MAP3K20: variants seen among roughly 807,000 people sequenced by gnomAD.
The protein encoded by MAP3K20 is HCCS-4.
Under a neutral mutation model 85.7 loss-of-function variants are expected in MAP3K20, and 40 were observed. That is an observed-to-expected ratio of 0.47 (90% CI 0.36 to 0.61). MAP3K20 has a LOEUF of 0.61. Among genes scored for constraint, MAP3K20 ranks in the 20% least tolerant of loss-of-function variants. MAP3K20 has a pLI of 0.00. For synonymous variants in MAP3K20, 325 were observed against 327.7 expected (o/e 0.99, Z 0.09); for missense variants, 817 against 961.7 (o/e 0.85, Z 1.99).
intron 2 of MAP3K20, among the ~76,000 whole-genome samples, chr2:173,139,761 T>C (rs1445667746): frequency 6.6e-6 from 1 of 152,192 alleles, no homozygotes; most frequent in African/African-American, 2.4e-5. Context: ...AAACGAAAAG[T>C]AGATTCCTAA....
chr2:173,128,990 C>G (rs1440920795), intron 2 of MAP3K20, among the ~76,000 whole-genome samples: 1 of 133,508 alleles, frequency 7.5e-6, no homozygotes, highest in Non-Finnish European at 1.5e-5. Context: ...ATGGCGCAAT[C>G]TCGGCTCACT....
chr2:173,101,341 A>T (rs1687633993), intron 2 of MAP3K20, among the ~76,000 whole-genome samples: 1 of 152,210 alleles, frequency 6.6e-6, no homozygotes, highest in African/African-American at 2.4e-5. Context: ...TTTGTTAGAT[A>T]ATATATTTAC....
chr2:173,098,447 G>T (rs540440439), intron 2 of MAP3K20, among the ~76,000 whole-genome samples: 4 of 152,266 alleles, frequency 2.6e-5, no homozygotes, highest in African/African-American at 9.6e-5. Context: ...TTTGTTTCAT[G>T]CCCAGCATTA....
intron 1 of MAP3K20, among the ~76,000 whole-genome samples, chr2:173,081,144 T>C (rs1180222928): frequency 6.6e-6 from 1 of 152,176 alleles, no homozygotes; most frequent in Non-Finnish European, 1.5e-5. Context: ...ACTGTTTTAC[T>C]TAAATTGAAC....
Position 173,263,753 on chromosome 2 carries a change from T to C in MAP3K20, c.1560T>C (p.Val520=), listed in dbSNP as rs1285988641. 1.3e-5 allele frequency: 21 copies of C among 1,608,734 alleles called. No individual in the cohort carries two copies. The highest frequency in any genetic ancestry group is 2.2e-5 in the East Asian group (1 of 44,722). ...VECTVTYESD[V]RTPKSTKHVH... ...TTTGTTTGTTTTACCAGAGTGATGTTAGAACTCCAAAAAGCACTAAACATG... is the reference window on the plus strand; with the variant it reads ...TTTGTTTGTTTTACCAGAGTGATGTCAGAACTCCAAAAAGCACTAAACATG... The change falls in exon 19 of 20, where the codon GTT becomes GTC. Residue 520 remains valine (V), a synonymous_variant. Transcript: ENST00000375213.
At chr2:173,093,426 A>G (rs1033910993) in intron 2 of MAP3K20, among the ~76,000 whole-genome samples, 1 of 152,244 alleles carries the variant, frequency 6.6e-6, no homozygotes, top group Non-Finnish European at 1.5e-5. Context: ...AGCAAAATGT[A>G]GAGAAAATAT....
intron 2 of MAP3K20, among the ~76,000 whole-genome samples, chr2:173,107,286 C>T (rs114223606): frequency 0.012 from 1,756 of 152,146 alleles, 21 homozygotes; most frequent in Middle Eastern, 0.024. Context: ...CGAGGGCTGC[C>T]GGGGAGGGCC....
intron 16 of MAP3K20, among the ~76,000 whole-genome samples, chr2:173,244,079 C>T (rs1684862106): frequency 6.6e-6 from 1 of 152,082 alleles, no homozygotes; most frequent in Non-Finnish European, 1.5e-5. Context: ...TGCCATGGGT[C>T]CCAGGACACA....
At chr2:173,103,233 C>T (rs922938064) in intron 2 of MAP3K20, among the ~76,000 whole-genome samples, 1 of 152,150 alleles carries the variant, frequency 6.6e-6, no homozygotes, top group Non-Finnish European at 1.5e-5. Context: ...CTTAACTACA[C>T]AGTAAAGCCT....
chr2:173,093,055 GAC>G (rs2106150246), intron 2 of MAP3K20, among the ~76,000 whole-genome samples: 1 of 152,248 alleles, frequency 6.6e-6, no homozygotes, highest in South Asian at 2.1e-4. Flanking sequence ...GTGATAAAGA[GAC>G]ACAGTAAATT....
At chr2:173,173,969 T>C (rs1690081734) in intron 3 of MAP3K20, among the ~76,000 whole-genome samples, 4 of 152,222 alleles carry the variant, frequency 2.6e-5, no homozygotes, top group Admixed American at 2.6e-4. Context: ...TAAAATCCAG[T>C]AAACTACTTT....
intron 10 of MAP3K20, 83 bp downstream of exon 10, chr2:173,209,918 G>T: frequency 8.2e-7 from 1 of 1,216,090 alleles, no homozygotes; most frequent in Non-Finnish European, 1.2e-6. Flanking sequence ...CCAGAGATCT[G>T]AATGACAGTC....
At chr2:173,239,597 T>C (rs1195512208) in intron 16 of MAP3K20, 101 bp downstream of exon 16, 15 of 1,006,752 alleles carry the variant, frequency 1.5e-5, no homozygotes, top group Non-Finnish European at 2.1e-5. Context: ...AGCTGGTAAC[T>C]GGATTTTGAG....
intron 7 of MAP3K20, among the ~76,000 whole-genome samples, chr2:173,197,236 A>G (rs893167531): frequency 6.6e-6 from 1 of 152,174 alleles, no homozygotes; most frequent in Non-Finnish European, 1.5e-5. Flanking sequence ...TCAGTGTTTC[A>G]AGAGAACCCA....
intron 7 of MAP3K20, among the ~76,000 whole-genome samples, chr2:173,196,929 C>G (rs1690861904): frequency 6.7e-6 from 1 of 149,948 alleles, no homozygotes; most frequent in East Asian, 2.0e-4. Flanking sequence ...GGCTCTGTCA[C>G]TGGATAACTG....
At chr2:173,096,346 T>TC (rs950852923) in intron 2 of MAP3K20, among the ~76,000 whole-genome samples, 8 of 149,286 alleles carry the variant, frequency 5.4e-5, no homozygotes, top group African/African-American at 1.9e-4. Context: ...CTTTTTTCCT[T>TC]TTTTTTTTTT....
intron 2 of MAP3K20, among the ~76,000 whole-genome samples, chr2:173,132,982 GTATT>G (rs1426413012): frequency 2.0e-5 from 3 of 152,074 alleles, no homozygotes; most frequent in African/African-American, 4.8e-5. Context: ...GTACTCAAAA[GTATT>G]TATTGATTTA....
chr2:173,187,279 T>G (rs1238152797), intron 4 of MAP3K20, among the ~76,000 whole-genome samples: 2 of 152,228 alleles, frequency 1.3e-5, no homozygotes, highest in Non-Finnish European at 2.9e-5. Flanking sequence ...GCTATTTTCA[T>G]GCAGACTGCA....
intron 11 of MAP3K20, chr2:173,224,482 A>C (rs1188431553): frequency 1.0e-6 from 1 of 985,408 alleles, no homozygotes; most frequent in Non-Finnish European, 1.2e-6. Flanking sequence ...TACTGGACCT[A>C]ACTTTATCAT....
Sources: allele counts gnomAD v4.1 joint callset (sites outside exome capture counted in the v4.1 genomes callset), GRCh38; gene constraint gnomAD v4.1.1; transcripts MANE v1.5; gene names NCBI Gene and HGNC (gene_info 2026-07-23, HGNC 2026-07-21).